Variants in RIMS1 observed in about 807,000 individuals in gnomAD.
The protein encoded by RIMS1 is regulating synaptic membrane exocytosis protein 1.
A neutral mutation model predicts 214.1 loss-of-function variants in RIMS1; 83 were observed. The ratio of observed to expected loss-of-function variants is 0.39; its 90% CI spans 0.32 to 0.47. The LOEUF is 0.47. Ranked by LOEUF, RIMS1 falls within the 20% of genes least tolerant of loss-of-function variation. RIMS1 has a pLI of 0.99. For synonymous variants in RIMS1, 793 were observed against 786.8 expected, an observed-to-expected ratio of 1.01 and a Z score of -0.13; for missense variants, 2,050 against 2,161.8, an observed-to-expected ratio of 0.95 and a Z score of 1.03.
intron 1 of RIMS1, among the ~76,000 whole-genome samples, chr6:71,906,729 G>A (rs1340818597): frequency 6.6e-6 from 1 of 152,106 alleles, no homozygotes; most frequent in Non-Finnish European, 1.5e-5. Flanking sequence ...GATCCTGATA[G>A]GTCATTTAAA....
chr6:72,136,009 G>C (rs1467546163), intron 4 of RIMS1, among the ~76,000 whole-genome samples: 3 of 152,138 alleles, frequency 2.0e-5, no homozygotes, highest in Non-Finnish European at 2.9e-5. Context: ...AATAAAAACA[G>C]TCTGCTGAGG....
intron 1 of RIMS1, among the ~76,000 whole-genome samples, chr6:71,904,192 C>A (rs544149959): frequency 1.3e-5 from 2 of 152,236 alleles, no homozygotes; most frequent in African/African-American, 4.8e-5. Context: ...TGACTTGTTT[C>A]CCATTTCATG....
In RIMS1 at chr6:72,226,233, G is replaced by A. The variant is rs532271571; in HGVS notation, c.1679-7540G>A. ...ATTATAGCACCAGGCCAATGTAGAG[G>A]TAAGAAAGATGGCATTGAACATCAT... On this transcript the variant is annotated intron_variant, in intron 6 of 33. Transcript: ENST00000521978. Among the ~76,000 whole-genome samples the A allele has an allele frequency of 1.7e-3, 259 of 152,148 alleles. 2 individuals carry two copies. Among genetic ancestry groups the A allele is most frequent in the African/African-American group, 6.1e-3 (254 of 41,520 alleles).
intron 6 of RIMS1, chr6:72,216,909 C>T: frequency 8.1e-7 from 1 of 1,238,490 alleles, no homozygotes. Context: ...GCACAGAGCA[C>T]TATAGATTAA....
chr6:72,236,654 C>T (rs188936858), intron 8 of RIMS1, among the ~76,000 whole-genome samples: 67 of 152,024 alleles, frequency 4.4e-4, no homozygotes, highest in African/African-American at 1.5e-3. Flanking sequence ...ATTTATGGTG[C>T]CCTTTTATTG....
rs549235404 is a variant in RIMS1, at chr6:72,040,025, C to T, written c.246-56924C>T. Among the ~76,000 whole-genome samples, 12 of 152,152 alleles carry T rather than the reference C, an allele frequency of 7.9e-5. No homozygotes were observed. In the South Asian group the frequency reaches 2.5e-3, roughly 32 times the overall value. The stretch of plus-strand genomic sequence containing the variant: ...AGAACTGGTAACTTAAACTCACAGA[C>T]ACTGCAAATTAGCATTGTTTACAGC... On this transcript the variant is annotated intron_variant, in intron 2 of 33. Transcript: ENST00000521978.
chr6:72,149,977 G>A lies in RIMS1; in HGVS notation c.472-29598G>A, dbSNP rs538686009. ...CATACTCATGTTCAGTGGCTCCCAA[G>A]TTCTTTTTCTGCATCCAAGAAGAAT... On this transcript the variant is annotated intron_variant, in intron 4 of 33. Coordinates refer to ENST00000521978, the MANE Select transcript of RIMS1 (RefSeq NM_014989.7). Among the ~76,000 whole-genome samples the A allele has an allele frequency of 2.0e-5, 3 of 152,284 alleles. No individual in the cohort carries two copies. The South Asian group carries it at 6.2e-4, about 32-fold the overall frequency.
At chr6:72,332,121 C>G (rs1254670255) in intron 28 of RIMS1, among the ~76,000 whole-genome samples, 1 of 151,754 alleles carries the variant, frequency 6.6e-6, no homozygotes, top group Non-Finnish European at 1.5e-5. Flanking sequence ...AATTTATAAT[C>G]ATATTAGGAT....
At chr6:72,055,550 A>G (rs981869468) in intron 2 of RIMS1, among the ~76,000 whole-genome samples, 7 of 152,168 alleles carry the variant, frequency 4.6e-5, no homozygotes, top group Non-Finnish European at 8.8e-5. Flanking sequence ...TGTGCTGAAT[A>G]GGAGTGGTGA....
intron 6 of RIMS1, among the ~76,000 whole-genome samples, chr6:72,187,360 T>C (rs893810471): frequency 2.6e-5 from 4 of 152,176 alleles, no homozygotes; most frequent in Admixed American, 6.5e-5. Flanking sequence ...GGGTAGATTA[T>C]CTTGACTGCC....
chr6:72,160,444 A>G lies in RIMS1; in HGVS notation c.472-19131A>G, dbSNP rs368131708. On this transcript the variant is annotated intron_variant, in intron 4 of 33. Transcript: ENST00000521978. ...TGTTGAATAGGAGTGGTGAGAGAGG[A>G]CATCCCTGTCTTGTGCCAGTTTTCA... Among the ~76,000 whole-genome samples, 5 of 139,300 alleles carry G rather than the reference A, an allele frequency of 3.6e-5. 1 individual carries two copies. The highest frequency in any genetic ancestry group is 2.0e-4 in the East Asian group (1 of 4,898). The allele number at this position is 139,300 out of a possible 152,430, so 91.4% of individuals were successfully genotyped here. A position where few individuals can be genotyped will look rare whatever the true frequency, so the allele number is the denominator to read the frequency against.
chr6:72,373,408 A>G (rs2098278344), intron 29 of RIMS1, among the ~76,000 whole-genome samples: 1 of 152,182 alleles, frequency 6.6e-6, no homozygotes, highest in Non-Finnish European at 1.5e-5. Flanking sequence ...ATGTTCATTC[A>G]TTCCCACTTA....
intron 29 of RIMS1, among the ~76,000 whole-genome samples, chr6:72,375,278 T>C (rs555551089): frequency 6.6e-6 from 1 of 152,220 alleles, no homozygotes; most frequent in Non-Finnish European, 1.5e-5. Flanking sequence ...CTCTAATTAA[T>C]TGATTTTTAT....
In RIMS1 at chr6:71,953,146, C is replaced by G. The variant is rs1790155508; in HGVS notation, c.165-15837C>G. ...GAATTAACAGGTGCACACCACCACA[C>G]CCAGCTAATGTTTTATATTTTTAGT... On this transcript the variant is annotated intron_variant, in intron 1 of 33. Coordinates refer to ENST00000521978, the MANE Select transcript of RIMS1 (RefSeq NM_014989.7). Among the ~76,000 whole-genome samples, 4 of 151,938 alleles carry G rather than the reference C, an allele frequency of 2.6e-5. No homozygotes were observed. The South Asian group carries it at 8.3e-4, about 32-fold the overall frequency.
rs2095618240 is a variant in RIMS1, at chr6:72,313,594, C to G, written c.4052C>G (p.Ser1351Cys). The G allele has an allele frequency of 6.2e-7, 1 of 1,613,600 alleles. No homozygotes were observed. Among genetic ancestry groups the G allele is most frequent in the Non-Finnish European group, 8.5e-7 (1 of 1,179,780 alleles). ...GATGTCAGTGATGTTTCCGCCATTT[C>G]CCGAACCAGCAGTGCCTCACGCCTC... ...DSDVSDVSAI[S>C]RTSSASRLSS... Residue 1351 changes from serine (S) to cysteine (C), a missense_variant, in exon 28 of 34, where the codon TCC becomes TGC. Coordinates refer to ENST00000521978, the MANE Select transcript of RIMS1 (RefSeq NM_014989.7).
chr6:72,094,443 T>C (rs2030536608), intron 2 of RIMS1, among the ~76,000 whole-genome samples: 1 of 152,192 alleles, frequency 6.6e-6, no homozygotes. Flanking sequence ...GATTGCACCA[T>C]ATAAAATTCC....
chr6:72,124,395 T>C (rs2039078428), intron 4 of RIMS1, among the ~76,000 whole-genome samples: 1 of 151,930 alleles, frequency 6.6e-6, no homozygotes, highest in African/African-American at 2.4e-5. Context: ...TCTCTCAGGC[T>C]GCCCTCAAGG....
intron 8 of RIMS1, 27 bp downstream of exon 8, chr6:72,235,755 T>G (rs767489764): frequency 5.0e-6 from 7 of 1,403,096 alleles, no homozygotes; most frequent in South Asian, 2.7e-5. Context: ...AAAATGTTTC[T>G]TAAAGGGTGA....
chr6:72,112,700 G>A (rs1587291634), intron 4 of RIMS1, among the ~76,000 whole-genome samples: 2 of 152,250 alleles, frequency 1.3e-5, no homozygotes, highest in East Asian at 3.9e-4. Context: ...GAGGCCCACT[G>A]TAATTACTCC....
Sources: gnomAD v4.1 joint callset for allele counts (sites outside exome capture counted in the v4.1 genomes callset) on GRCh38, gnomAD v4.1.1 for gene constraint, MANE v1.5 for transcripts, NCBI Gene and HGNC (gene_info 2026-07-23, HGNC 2026-07-21) for gene names.